The following DMD variants were observed in gnomAD, a reference collection of about 807,000 sequenced individuals.
The protein encoded by DMD is mutant dystrophin.
DMD carries 63 observed loss-of-function variants against 330.1 expected under a neutral mutation model. The ratio of observed to expected loss-of-function variants is 0.19; its 90% CI spans 0.16 to 0.24. DMD has a LOEUF of 0.24. Ranked by LOEUF, DMD falls within the 10% of genes least tolerant of loss-of-function variation. DMD has a pLI of 1.00. For synonymous variants in DMD, 1,223 were observed against 959.8 expected (o/e 1.27, Z -5.07); for missense variants, 3,344 against 2,684.1 (o/e 1.25, Z -5.43).
At chrX:31,971,525 G>A (rs183944715) in intron 44 of DMD, among the ~76,000 whole-genome samples, 1 of 111,147 alleles carries the variant, frequency 9.0e-6, no homozygotes, top group East Asian at 2.8e-4. Context: ...TCATTACACA[G>A]TCTACTGCAT....
At chrX:32,601,996 C>A (rs962771277) in intron 12 of DMD, among the ~76,000 whole-genome samples, 1 of 111,890 alleles carries the variant, frequency 8.9e-6, no homozygotes, top group African/African-American at 3.2e-5. Context: ...TACATTCTGA[C>A]TATCATCCTT....
At position 32,088,035 on chromosome X, in the gene DMD, G is replaced by A. The variant is rs754364926; in HGVS notation, c.6439-119521C>T. Among the ~76,000 whole-genome samples the A allele has an allele frequency of 1.9e-4, 21 of 112,202 alleles. 1 individual carries two copies. Among genetic ancestry groups the A allele is most frequent in the Non-Finnish European group, 3.8e-4 (20 of 53,238 alleles). On this transcript the variant is annotated intron_variant, in intron 44 of 78. Transcript: ENST00000357033. ...ACTGTATGTTATGGACTTGACCTTC[G>A]TCTATAATATGGGTGTCTGCCACTC...
In DMD at chrX:33,239,274, CAAAAAAAAAAAA is replaced by C. The variant is rs558228818; in HGVS notation, c.7+99973_7+99984del. On this transcript the variant is annotated intron_variant, in intron 1 of 17. Transcript: ENST00000288447. ...GGGTGACAGAGCAAGACTCTGTCTC[CAAAAAAAAAAAA>C]AAAAAAAAAAAAAAATGTCGAATGT... Among the ~76,000 whole-genome samples the C allele has an allele frequency of 3.8e-4, 12 of 31,369 alleles. No individual in the cohort carries two copies. In the South Asian group the frequency reaches 0.03, roughly 79 times the overall value. 27.2% of individuals were successfully genotyped at this position (31,369 alleles called of 115,157 possible). A position where few individuals can be genotyped will look rare whatever the true frequency, so the allele number is the denominator to read the frequency against.
intron 51 of DMD, among the ~76,000 whole-genome samples, chrX:31,761,332 T>A (rs1239409182): frequency 9.0e-6 from 1 of 110,806 alleles, no homozygotes; most frequent in African/African-American, 3.3e-5. Context: ...GGTGCTGCTA[T>A]GAATAGACTA....
chrX:31,150,284 A>G (rs957547206), intron 74 of DMD, among the ~76,000 whole-genome samples: 27 of 112,070 alleles, frequency 2.4e-4, no homozygotes, highest in African/African-American at 8.4e-4. Flanking sequence ...TTTCTTCCTA[A>G]TAATGTTGAT....
intron 2 of DMD, among the ~76,000 whole-genome samples, chrX:32,879,039 A>ACAAAAAACAAACAAAAAACAAAC (rs754417615): frequency 8.0e-5 from 8 of 99,732 alleles, no homozygotes; most frequent in African/African-American, 1.8e-4. Flanking sequence ...AAACAAACAA[A>ACAAAAAACAAACAAAAAACAAAC]AAAAAAACAA....
At chrX:31,299,189 T>C (rs1181593385) in intron 62 of DMD, among the ~76,000 whole-genome samples, 1 of 112,028 alleles carries the variant, frequency 8.9e-6, no homozygotes, top group Non-Finnish European at 1.9e-5. Context: ...TAAGGAATGC[T>C]GATGCACAAA....
chrX:32,163,773 T>C (rs1234823732), intron 44 of DMD, among the ~76,000 whole-genome samples: 2 of 111,657 alleles, frequency 1.8e-5, no homozygotes, highest in Non-Finnish European at 3.8e-5. Context: ...CAACATCAAT[T>C]TCCTGGTTTC....
At chrX:31,212,789 G>C (rs148440048) in intron 64 of DMD, among the ~76,000 whole-genome samples, 115 of 111,407 alleles carry the variant, frequency 1.0e-3, no homozygotes, top group African/African-American at 3.5e-3. Flanking sequence ...TATTGTAAGG[G>C]GGAAAAGTGG....
intron 2 of DMD, among the ~76,000 whole-genome samples, chrX:33,015,225 C>T (rs1410111346): frequency 1.8e-5 from 2 of 111,547 alleles, no homozygotes; most frequent in African/African-American, 6.5e-5. Flanking sequence ...ATGTTCATTG[C>T]AGCACTATTT....
chrX:33,026,131 C>T (rs905242041), intron 1 of DMD, among the ~76,000 whole-genome samples: 4 of 107,900 alleles, frequency 3.7e-5, no homozygotes, highest in Non-Finnish European at 7.7e-5. Flanking sequence ...GTCAGGAGAT[C>T]AAGACCATCC....
intron 4 of DMD, among the ~76,000 whole-genome samples, chrX:32,825,906 G>T (rs1349052180): frequency 1.8e-5 from 2 of 111,148 alleles, no homozygotes; most frequent in African/African-American, 3.3e-5. Context: ...ATTCAACTTG[G>T]GATGATGAAA....
In DMD at chrX:32,783,105, T is replaced by C. The variant is rs956075013; in HGVS notation, c.649+26388A>G. On this transcript the variant is annotated intron_variant, in intron 7 of 78. Coordinates refer to ENST00000357033, the MANE Select transcript of DMD (RefSeq NM_004006.3). ...CACATATACATATATGGTGTATATA[T>C]ACACACACACCATATGTATATACAT... Among the ~76,000 whole-genome samples the C allele has an allele frequency of 6.9e-5, 7 of 102,091 alleles. No individual in the cohort carries two copies. In the Admixed American group the frequency reaches 7.6e-4, roughly 11 times the overall value. 88.7% of individuals were successfully genotyped at this position (102,091 alleles called of 115,157 possible). A position where few individuals can be genotyped will look rare whatever the true frequency, so the allele number is the denominator to read the frequency against.
chrX:32,471,043 G>A (rs1199366247), intron 22 of DMD, among the ~76,000 whole-genome samples: 1 of 111,546 alleles, frequency 9.0e-6, no homozygotes, highest in African/African-American at 3.3e-5. Flanking sequence ...TTGGGAGGCT[G>A]AGGCAGGCAG....
At chrX:31,692,303 C>A (rs1294439963) in intron 52 of DMD, among the ~76,000 whole-genome samples, 1 of 110,634 alleles carries the variant, frequency 9.0e-6, no homozygotes, top group South Asian at 3.7e-4. Context: ...TAAATTCCTA[C>A]ATCAAAAAAG....
chrX:32,698,508 T>C (rs978449097), intron 8 of DMD, among the ~76,000 whole-genome samples: 4 of 111,605 alleles, frequency 3.6e-5, no homozygotes, highest in African/African-American at 1.3e-4. Flanking sequence ...TGAGAAAGCA[T>C]AGGAAAACAT....
intron 1 of DMD, among the ~76,000 whole-genome samples, chrX:33,124,680 C>T (rs771951833): frequency 1.8e-5 from 2 of 109,360 alleles, no homozygotes; most frequent in South Asian, 3.9e-4. Flanking sequence ...AGACCTAGTA[C>T]GTACAGCCTT....
chrX:32,141,223 C>T (rs764778995), intron 44 of DMD, among the ~76,000 whole-genome samples: 6 of 106,678 alleles, frequency 5.6e-5, no homozygotes, highest in East Asian at 2.9e-4. Flanking sequence ...GCTAGGAGTT[C>T]GAGACCAGCC....
Position 32,545,235 on chromosome X carries a change from G to C in DMD, c.2092C>G (p.His698Asp). ...VTTREQILVK[H>D]AQEELPPPPP... ...GGTGGTGGAAGTTCCTCTTGAGCAT[G>C]CTTTACCAGGATCTGTTCCCTTGTG... The change falls in exon 17 of 79, where the codon CAT becomes GAT. Residue 698 changes from histidine (H) to aspartate (D), a missense_variant. Physicochemically the swap from His to Asp is moderately conservative, Grantham distance 81 (BLOSUM62 -1). Transcript: ENST00000357033. The C allele has an allele frequency of 8.3e-7, 1 of 1,209,865 alleles. No homozygotes were observed. The highest frequency in any genetic ancestry group is 1.7e-5 in the African/African-American group (1 of 57,737).
Sources: gnomAD v4.1 joint callset for allele counts (sites outside exome capture counted in the v4.1 genomes callset) on GRCh38, gnomAD v4.1.1 for gene constraint, MANE v1.5 for transcripts, NCBI Gene and HGNC (gene_info 2026-07-23, HGNC 2026-07-21) for gene names.